Variants in LARGE1 observed in about 807,000 individuals in gnomAD.
The protein encoded by LARGE1 is xylosyl- and glucuronyltransferase LARGE1.
LARGE1 carries 43 observed loss-of-function variants against 87.6 expected under a neutral mutation model. The observed-to-expected ratio is 0.49, with a 90% CI of 0.38 to 0.63. The LOEUF is 0.63. Ranked by LOEUF, LARGE1 falls within the 30% of genes least tolerant of loss-of-function variation. The pLI, the probability that LARGE1 is intolerant of heterozygous loss-of-function variation, is 0.00. For missense variants in LARGE1, 802 were observed against 1,000.2 expected (o/e 0.80, Z 2.67); for synonymous variants, 434 against 394.6 (o/e 1.10, Z -1.18).
chr22:33,208,107 C>T (rs538084816), intron 11 of LARGE1, among the ~76,000 whole-genome samples: 69 of 152,266 alleles, frequency 4.5e-4, no homozygotes, highest in Admixed American at 7.8e-4. Flanking sequence ...CAATGTTCTC[C>T]GTTTCAGGGC....
chr22:33,330,923 C>T (rs1937620405), intron 10 of LARGE1, among the ~76,000 whole-genome samples: 2 of 152,202 alleles, frequency 1.3e-5, no homozygotes, highest in South Asian at 4.1e-4. Flanking sequence ...AGTGGGGATA[C>T]TGGGGATTGT....
At chr22:33,083,086 C>T in the LARGE1 span, among the ~76,000 whole-genome samples, 1 of 152,078 alleles carries the variant, frequency 6.6e-6, no homozygotes, top group African/African-American at 2.4e-5. Context: ...CTAAATATAT[C>T]ATTTCTAATA....
chr22:33,894,822 G>A (rs1318916990), intron 1 of LARGE1, among the ~76,000 whole-genome samples: 2 of 152,148 alleles, frequency 1.3e-5, no homozygotes, highest in African/African-American at 4.8e-5. Flanking sequence ...AAAACACAAT[G>A]AGAATCATGA....
intron 7 of LARGE1, among the ~76,000 whole-genome samples, chr22:33,414,601 T>C (rs1415737694): frequency 8.5e-5 from 13 of 152,202 alleles, no homozygotes; most frequent in Admixed American, 8.5e-4. Context: ...CTCTATGGCA[T>C]CTGTAGCCTT....
At chr22:33,663,241 A>G (rs2081181160) in intron 2 of LARGE1, among the ~76,000 whole-genome samples, 1 of 152,192 alleles carries the variant, frequency 6.6e-6, no homozygotes. Flanking sequence ...ATAACATGTT[A>G]CCAAGAGCAA....
At chr22:33,912,767 A>C (rs961706768) in intron 1 of LARGE1, among the ~76,000 whole-genome samples, 12 of 129,596 alleles carry the variant, frequency 9.3e-5, no homozygotes, top group African/African-American at 3.4e-4. Flanking sequence ...ATAAAGGAAG[A>C]ACAACAATGA....
At chr22:33,256,258 T>C (rs893248516) in intron 11 of LARGE1, among the ~76,000 whole-genome samples, 2 of 152,232 alleles carry the variant, frequency 1.3e-5, no homozygotes, top group South Asian at 2.1e-4. Context: ...GTACCATCTA[T>C]GGGGAATGTC....
At chr22:33,099,189 A>T in the LARGE1 span, among the ~76,000 whole-genome samples, 2 of 152,204 alleles carry the variant, frequency 1.3e-5, no homozygotes, top group Non-Finnish European at 2.9e-5. Context: ...GTGAAATGAT[A>T]CAGAGCAAAA....
intron 1 of LARGE1, among the ~76,000 whole-genome samples, chr22:33,840,011 G>A (rs139204748): frequency 1.1e-3 from 173 of 152,264 alleles, no homozygotes; most frequent in African/African-American, 3.9e-3. Flanking sequence ...CTTATGAAAC[G>A]ATCTATGGGC....
intron 5 of LARGE1, among the ~76,000 whole-genome samples, chr22:33,588,636 C>T (rs564061413): frequency 6.6e-6 from 1 of 152,286 alleles, no homozygotes; most frequent in Non-Finnish European, 1.5e-5. Flanking sequence ...ATCCCTGAAA[C>T]TCAGTATTGC....
intron 2 of LARGE1, among the ~76,000 whole-genome samples, chr22:33,693,929 C>T (rs1482707670): frequency 6.6e-6 from 1 of 152,178 alleles, no homozygotes; most frequent in African/African-American, 2.4e-5. Flanking sequence ...TTACATAAGT[C>T]TTAGGTTGCA....
chr22:33,134,255 C>CTTTTT, the LARGE1 span, among the ~76,000 whole-genome samples: 3 of 124,374 alleles, frequency 2.4e-5, no homozygotes, highest in African/African-American at 9.2e-5. Flanking sequence ...AAAGAACTCC[C>CTTTTT]TTTTTTTTTT....
chr22:33,383,156 G>C (rs951561844), intron 8 of LARGE1, among the ~76,000 whole-genome samples: 1 of 152,166 alleles, frequency 6.6e-6, no homozygotes, highest in Non-Finnish European at 1.5e-5. Context: ...ACAGCTACCA[G>C]TGCCACAGGA....
At position 33,514,282 on chromosome 22, in the gene LARGE1, C is replaced by CCACACACACA. The variant is rs60301225; in HGVS notation, c.787+50556_787+50565dup. ...TTTCAGTCGGCTAGTCTATGTGTGT[C>CCACACACACA]CACACACACACACACACACACACGA... On this transcript the variant is annotated intron_variant, in intron 6 of 14. Coordinates refer to ENST00000397394, the MANE Select transcript of LARGE1 (RefSeq NM_133642.5). 3.2e-3 allele frequency among the ~76,000 whole-genome samples: 468 copies of CCACACACACA among 147,950 alleles called. 3 individuals carry two copies. The highest frequency in any genetic ancestry group is 0.011 in the African/African-American group (449 of 40,536).
At chr22:33,355,073 G>T (rs1199473009) in intron 9 of LARGE1, among the ~76,000 whole-genome samples, 2 of 152,268 alleles carry the variant, frequency 1.3e-5, no homozygotes, top group South Asian at 2.1e-4. Flanking sequence ...GAATAGGTCA[G>T]ATAAGAAGTA....
At chr22:33,254,089 T>C (rs1326271107) in intron 11 of LARGE1, among the ~76,000 whole-genome samples, 2 of 152,254 alleles carry the variant, frequency 1.3e-5, no homozygotes, top group African/African-American at 4.8e-5. Context: ...TCTTCAGAAC[T>C]TGCTACAGCA....
At chr22:33,415,961 C>G (rs1457441107) in intron 7 of LARGE1, among the ~76,000 whole-genome samples, 1 of 152,212 alleles carries the variant, frequency 6.6e-6, no homozygotes. Context: ...CTCGACATGA[C>G]AGGAGCCTCT....
At chr22:33,802,024 C>G (rs769735197) in intron 1 of LARGE1, among the ~76,000 whole-genome samples, 4 of 142,694 alleles carry the variant, frequency 2.8e-5, no homozygotes, top group Non-Finnish European at 6.2e-5. Context: ...TGCCTGATAA[C>G]TAACTCTGGA....
chr22:33,086,646 G>C, the LARGE1 span, among the ~76,000 whole-genome samples: 1 of 149,642 alleles, frequency 6.7e-6, no homozygotes, highest in Non-Finnish European at 1.5e-5. Context: ...TCTGCCTCCC[G>C]GGTTCAAGCT....
Sources: gnomAD v4.1 joint callset for allele counts (sites outside exome capture counted in the v4.1 genomes callset) on GRCh38, gnomAD v4.1.1 for gene constraint, MANE v1.5 for transcripts, NCBI Gene and HGNC (gene_info 2026-07-23, HGNC 2026-07-21) for gene names.